Variants in SERPINB12 observed in about 807,000 individuals in gnomAD.
SERPINB12 encodes the protein serpin family B member 12.
Under a neutral mutation model 41.1 loss-of-function variants are expected in SERPINB12, and 57 were observed. The ratio of observed to expected loss-of-function variants is 1.39; its 90% CI spans 1.12 to 1.73. The LOEUF (loss-of-function observed/expected upper bound fraction) is 1.73, where lower values mean the gene tolerates loss of function less well. Among genes scored for constraint, SERPINB12 ranks in the 40% most tolerant of loss-of-function variants. The pLI is 0.00. For missense variants in SERPINB12, 536 were observed against 501.9 expected (o/e 1.07, Z -0.65); for synonymous variants, 180 against 181.3 (o/e 0.99, Z 0.06).
In SERPINB12 at chr18:63,567,785, C is replaced by A. The variant is rs555431040; in HGVS notation, c.*774C>A. ...AACACTTCCCTCTGTCTCTCCTCCC[C>A]CTAGCTCCAAGAATTCCCACCTGTG... On this transcript the variant is annotated 3_prime_UTR_variant, in exon 8 of 8. Coordinates refer to ENST00000382768, the MANE Select transcript of SERPINB12 (RefSeq NM_001307928.2). 6.6e-5 allele frequency among the ~76,000 whole-genome samples: 10 copies of A among 152,342 alleles called. No individual in the cohort carries two copies. In the East Asian group the frequency reaches 7.7e-4, roughly 12 times the overall value.
the SERPINB12 span, among the ~76,000 whole-genome samples, chr18:63,533,658 G>A: frequency 6.6e-6 from 1 of 152,270 alleles, no homozygotes; most frequent in East Asian, 1.9e-4. Context: ...GGATTTTAGA[G>A]ATTAGTTTGC....
At chr18:63,554,197 G>A (rs1910604154) in intron 1 of SERPINB12, among the ~76,000 whole-genome samples, 1 of 152,146 alleles carries the variant, frequency 6.6e-6, no homozygotes, top group South Asian at 2.1e-4. Context: ...CAGTTGAGGG[G>A]CAACTTAGAA....
Position 63,561,196 on chromosome 18 carries a change from TC to T in SERPINB12, c.559del (p.Gln187LysfsTer22). 1 of 1,598,200 alleles carries T rather than the reference TC, an allele frequency of 6.3e-7. No homozygotes were observed. ...QEINFWVECQSQGKIKELFSK... is the reference protein window; with the variant it reads ...QEINFWVECQXQGKIKELFSK... ...GATTAACTTCTGGGTTGAATGTCAATCCCAAGGTAAGAAAGCCCAAAAGCAC... is the reference window on the plus strand; with the variant it reads ...GATTAACTTCTGGGTTGAATGTCAATCCAAGGTAAGAAAGCCCAAAAGCAC... On this transcript the variant is annotated frameshift_variant, in exon 5 of 8. Coordinates refer to ENST00000382768, the MANE Select transcript of SERPINB12 (RefSeq NM_001307928.2). LOFTEE classifies it high-confidence loss of function.
intron 1 of SERPINB12, among the ~76,000 whole-genome samples, chr18:63,551,267 TCAAA>T (rs1012423640): frequency 2.0e-5 from 3 of 151,794 alleles, no homozygotes; most frequent in Admixed American, 6.6e-5. Flanking sequence ...AGACTCCATC[TCAAA>T]CAAACAAACA....
intron 5 of SERPINB12, among the ~76,000 whole-genome samples, chr18:63,563,361 T>G (rs1258927153): frequency 6.6e-6 from 1 of 152,188 alleles, no homozygotes; most frequent in Non-Finnish European, 1.5e-5. Context: ...CTATATAATT[T>G]GAAAGATAAA....
intron 6 of SERPINB12, among the ~76,000 whole-genome samples, chr18:63,564,892 A>G (rs1342242267): frequency 6.6e-6 from 1 of 152,170 alleles, no homozygotes; most frequent in Admixed American, 6.5e-5. Context: ...GAGCTGAAGA[A>G]CTGATTAAAA....
At chr18:63,559,015 T>TTTTCA (rs1453635172) in intron 3 of SERPINB12, among the ~76,000 whole-genome samples, 1 of 59,894 alleles carries the variant, frequency 1.7e-5, no homozygotes, top group African/African-American at 4.7e-5. Flanking sequence ...TCTTTCTTTC[T>TTTTCA]TTCTTTCTTT....
intron 7 of SERPINB12, 125 bp downstream of exon 7, chr18:63,565,737 G>T: frequency 1.4e-6 from 1 of 715,142 alleles, no homozygotes; most frequent in Non-Finnish European, 2.1e-6. Flanking sequence ...CAAGGAATGT[G>T]TAAGAATCTG....
At position 63,565,578 on chromosome 18, in the gene SERPINB12, C is replaced by T; in HGVS notation, c.839C>T (p.Ser280Phe). The T allele has an allele frequency of 1.2e-6, 2 of 1,614,020 alleles. No individual in the cohort carries two copies. Among genetic ancestry groups the T allele is most frequent in the Non-Finnish European group, 1.7e-6 (2 of 1,179,944 alleles). The stretch of plus-strand genomic sequence containing the variant: ...CTCAGCATGTTCGTGCTGCTGCCAT[C>T]TCACTCTAAAGATAACCTGAAGGGT... ...GKLSMFVLLP[S>F]HSKDNLKGLE... Residue 280 changes from serine (S) to phenylalanine (F), a missense_variant, in exon 7 of 8, where the codon TCT becomes TTT. Coordinates refer to ENST00000382768, the MANE Select transcript of SERPINB12 (RefSeq NM_001307928.2).
chr18:63,540,443 A>T (rs1338567113), upstream of SERPINB12, among the ~76,000 whole-genome samples: 11 of 152,052 alleles, frequency 7.2e-5, no homozygotes, highest in Admixed American at 7.2e-4. Flanking sequence ...AACTCTTAAA[A>T]TCCCACTGCT....
At chr18:63,561,271 T>G in intron 5 of SERPINB12, 69 bp downstream of exon 5, 1 of 898,264 alleles carries the variant, frequency 1.1e-6, no homozygotes, top group Non-Finnish European at 1.8e-6. Flanking sequence ...CTGCCTAGCT[T>G]TGCAGACTGC....
chr18:63,556,046 T>G, intron 1 of SERPINB12, 96 bp from the exon 2 acceptor site: 1 of 869,530 alleles, frequency 1.2e-6, no homozygotes, highest in East Asian at 2.4e-5. Flanking sequence ...TGAATAATTG[T>G]GCATGATTGT....
At chr18:63,524,975 C>T in the SERPINB12 span, among the ~76,000 whole-genome samples, 2 of 151,948 alleles carry the variant, frequency 1.3e-5, no homozygotes, top group Non-Finnish European at 2.9e-5. Flanking sequence ...GTCTTGAACT[C>T]CTGACCTCAG....
the SERPINB12 span, among the ~76,000 whole-genome samples, chr18:63,528,295 G>A: frequency 7.9e-5 from 12 of 151,824 alleles, no homozygotes; most frequent in African/African-American, 2.4e-4. Context: ...ATACAAGAAT[G>A]GACCATAAAT....
chr18:63,561,617 T>C (rs1910913493), intron 5 of SERPINB12, among the ~76,000 whole-genome samples: 1 of 152,160 alleles, frequency 6.6e-6, no homozygotes, highest in Non-Finnish European at 1.5e-5. Flanking sequence ...CTATTCACAA[T>C]AGCAAAGACA....
At chr18:63,563,198 T>C (rs1910971037) in intron 5 of SERPINB12, among the ~76,000 whole-genome samples, 1 of 152,270 alleles carries the variant, frequency 6.6e-6, no homozygotes. Context: ...AAAGTATCTA[T>C]AAAATAGGTT....
intron 5 of SERPINB12, among the ~76,000 whole-genome samples, chr18:63,563,086 G>T (rs1910967806): frequency 6.6e-6 from 1 of 152,136 alleles, no homozygotes; most frequent in African/African-American, 2.4e-5. Flanking sequence ...GCTCTCCCTG[G>T]ATGCAATTGA....
the SERPINB12 span, among the ~76,000 whole-genome samples, chr18:63,524,543 G>T: frequency 1.3e-5 from 2 of 152,074 alleles, no homozygotes; most frequent in Non-Finnish European, 2.9e-5. Flanking sequence ...ACCCGCTTCA[G>T]CCTCCTAAAA....
At chr18:63,540,194 G>T (rs1910245703), upstream of SERPINB12, among the ~76,000 whole-genome samples, 1 of 152,164 alleles carries the variant, frequency 6.6e-6, no homozygotes, top group East Asian at 1.9e-4. Context: ...TGTACAAAAT[G>T]CTGATCTTTT....
Sources: allele counts gnomAD v4.1 joint callset (sites outside exome capture counted in the v4.1 genomes callset), GRCh38; gene constraint gnomAD v4.1.1; transcripts MANE v1.5; gene names NCBI Gene and HGNC (gene_info 2026-07-23, HGNC 2026-07-21).